The following AMOTL2 variants were observed in gnomAD, a reference collection of about 807,000 sequenced individuals.
The protein encoded by AMOTL2 is angiomotin-like protein 2.
A neutral mutation model predicts 78.4 loss-of-function variants in AMOTL2; 33 were observed. The observed-to-expected ratio is 0.42, with a 90% CI of 0.32 to 0.56. The LOEUF (loss-of-function observed/expected upper bound fraction) is 0.56, where lower values mean the gene tolerates loss of function less well. Among genes scored for constraint, AMOTL2 ranks in the 20% least tolerant of loss-of-function variants. The probability of loss-of-function intolerance (pLI) is 0.12; values close to 1 mark genes in which losing one functional copy is unlikely to be tolerated. For missense variants in AMOTL2, 983 were observed against 1,030.1 expected (o/e 0.95, Z 0.63); for synonymous variants, 422 against 428.8 (o/e 0.98, Z 0.20).
In AMOTL2 at chr3:134,370,717, G is replaced by T. The variant is rs1324158780; in HGVS notation, c.717C>A (p.Phe239Leu). The change falls in exon 2 of 10, where the codon TTC becomes TTA. Residue 239 changes from phenylalanine to leucine, a missense_variant. Coordinates refer to ENST00000249883, the MANE Select transcript of AMOTL2 (RefSeq NM_016201.4). ...PRYRARGSPHFQHAEVRILQA... is the reference protein window; with the variant it reads ...PRYRARGSPHLQHAEVRILQA... Reference sequence around the variant, plus strand: ...AGAGTTACCTGACTTCAGCATGCTGGAAGTGCGGGCTGCCGCGGGCACGGT... The same window carrying T: ...AGAGTTACCTGACTTCAGCATGCTGTAAGTGCGGGCTGCCGCGGGCACGGT... 1 of 1,510,662 alleles carries T rather than the reference G, an allele frequency of 6.6e-7. No individual in the cohort carries two copies. Among genetic ancestry groups the T allele is most frequent in the Non-Finnish European group, 8.9e-7 (1 of 1,129,774 alleles). The allele number at this position is 1,510,662 out of a possible 1,614,324, so 93.6% of individuals were successfully genotyped here.
At chr3:134,360,721 A>C (rs2017318428) in intron 6 of AMOTL2, among the ~76,000 whole-genome samples, 1 of 152,244 alleles carries the variant, frequency 6.6e-6, no homozygotes. Context: ...CAGGGGGTTC[A>C]GTCACACTAC....
In AMOTL2 at chr3:134,371,357, G is replaced by T; in HGVS notation, c.77C>A (p.Thr26Asn). Residue 26 changes from threonine to asparagine, a missense_variant, in exon 2 of 10, where the codon ACT (threonine) becomes AAT (asparagine). Transcript: ENST00000249883. ...GATGGCTAGCAGCGTGCGCGTCTCA[G>T]TCAGGTTGCCGTAGCGCAGCTGCTC... Reference protein sequence around the residue: ...IQEQLRYGNLTETRTLLAIQQ... With the variant: ...IQEQLRYGNLNETRTLLAIQQ... 6.2e-7 allele frequency: 1 copy of T among 1,610,752 alleles called. No homozygotes were observed.
chr3:134,365,951 C>A, intron 4 of AMOTL2, 42 bp from the exon 5 acceptor site: 1 of 1,594,924 alleles, frequency 6.3e-7, no homozygotes. Context: ...TCAGGTGAAG[C>A]TGCCAGCTTG....
chr3:134,374,170 C>G, intron 1 of AMOTL2, 172 bp downstream of exon 1: 2 of 913,356 alleles, frequency 2.2e-6, no homozygotes, highest in South Asian at 1.0e-4. Flanking sequence ...GGCAGAGCGG[C>G]CCTTGCCAGG....
In AMOTL2 at chr3:134,358,240, C is replaced by G. The variant is rs532758320; in HGVS notation, c.2284+300G>C. Among the ~76,000 whole-genome samples the G allele has an allele frequency of 1.6e-4, 24 of 152,344 alleles. No homozygotes were observed. In the South Asian group the frequency reaches 4.6e-3, roughly 29 times the overall value. Reference sequence around the variant, plus strand: ...CTTGGATAATCAAATTGGAAATTAACTATGTAGGGAAGACCATGAAAGAGG... The same window carrying G: ...CTTGGATAATCAAATTGGAAATTAAGTATGTAGGGAAGACCATGAAAGAGG... On this transcript the variant is annotated intron_variant, in intron 9 of 9. Transcript: ENST00000249883.
Position 134,374,325 on chromosome 3 carries a change from C to T in AMOTL2, c.-62+17G>A, listed in dbSNP as rs1326107072. 3.0e-6 allele frequency: 3 copies of T among 985,304 alleles called. No individual in the cohort carries two copies. Among genetic ancestry groups the T allele is most frequent in the African/African-American group, 3.5e-5 (2 of 57,248 alleles). 61.0% of individuals were successfully genotyped at this position (985,304 alleles called of 1,614,324 possible). A position where few individuals can be genotyped will look rare whatever the true frequency, so the allele number is the denominator to read the frequency against. On this transcript the variant is annotated intron_variant, in intron 1 of 9. Coordinates refer to ENST00000249883, the MANE Select transcript of AMOTL2 (RefSeq NM_016201.4). The stretch of plus-strand genomic sequence containing the variant: ...TGGCCTCGCGCGCTCTCCCGAGCGC[C>T]GAGCGGCCTTCCTTACCGCTGCGGC...
intron 7 of AMOTL2, 88 bp downstream of exon 7, chr3:134,360,018 C>A: frequency 7.2e-7 from 1 of 1,390,268 alleles, no homozygotes. Context: ...GGGAAAGGGG[C>A]CTGTTTATCA....
At chr3:134,357,940 C>T (rs2017145243) in intron 9 of AMOTL2, among the ~76,000 whole-genome samples, 177 bp from the exon 10 acceptor site, 1 of 152,252 alleles carries the variant, frequency 6.6e-6, no homozygotes, top group Non-Finnish European at 1.5e-5. Context: ...AGTGCTCAGC[C>T]CAGCCCACCA....
upstream of AMOTL2, chr3:134,375,192 C>G: frequency 6.5e-7 from 1 of 1,535,662 alleles, no homozygotes; most frequent in Non-Finnish European, 8.7e-7. Flanking sequence ...ACCTACCCAA[C>G]TGAATCACCC....
In AMOTL2 at chr3:134,355,597, C is replaced by T. The variant is rs999413665; in HGVS notation, c.*2108G>A. Among the ~76,000 whole-genome samples, 1 of 152,166 alleles carries T rather than the reference C, an allele frequency of 6.6e-6. No homozygotes were observed. The highest frequency in any genetic ancestry group is 1.5e-5 in the Non-Finnish European group (1 of 68,042). ...CCACTCCCACTGTGGATAACCACAG[C>T]GTGTGGCCGAACAAAGCTGATTAGA... On this transcript the variant is annotated 3_prime_UTR_variant, in exon 10 of 10. Transcript: ENST00000249883.
In AMOTL2 at chr3:134,359,435, C is replaced by A; in HGVS notation, c.1952G>T (p.Arg651Met). Residue 651 changes from arginine (R) to methionine (M), a missense_variant, in exon 8 of 10, where the codon AGG becomes ATG. Arg to Met is a moderately conservative substitution (Grantham distance 91). Transcript: ENST00000249883. Reference protein sequence around the residue: ...AVIKVLQQRSRRDPGKAIQGS... With the variant: ...AVIKVLQQRSMRDPGKAIQGS... ...CTGGATGGCCTTGCCAGGGTCTCTC[C>A]TGGAGCGCTGCTGAAGGACCTTGAT... The A allele has an allele frequency of 6.2e-7, 1 of 1,614,194 alleles. No individual in the cohort carries two copies. The highest frequency in any genetic ancestry group is 8.5e-7 in the Non-Finnish European group (1 of 1,180,030).
intron 2 of AMOTL2, 78 bp from the exon 3 acceptor site, chr3:134,367,881 A>G: frequency 8.1e-7 from 1 of 1,230,656 alleles, no homozygotes; most frequent in Admixed American, 2.4e-5. Context: ...GGGTCACCCC[A>G]CTCCTAGGCA....
At chr3:134,361,944 A>G (rs893282811) in intron 5 of AMOTL2, 137 bp from the exon 6 acceptor site, 2 of 789,246 alleles carry the variant, frequency 2.5e-6, no homozygotes, top group Non-Finnish European at 3.9e-6. Context: ...AGGTACCACT[A>G]TTAACCCTGT....
rs191988589 is a variant in AMOTL2, at chr3:134,357,674, A to C, written c.*31T>G. On this transcript the variant is annotated 3_prime_UTR_variant, in exon 10 of 10. Transcript: ENST00000249883. Reference sequence around the variant, plus strand: ...TGGCACAGGGCAGAGGAGGGGAGAGAATGGCTCAGAGTCCTGAAGCACCAC... The same window carrying C: ...TGGCACAGGGCAGAGGAGGGGAGAGCATGGCTCAGAGTCCTGAAGCACCAC... 3 of 1,611,728 alleles carry C rather than the reference A, an allele frequency of 1.9e-6. No individual in the cohort carries two copies. The African/African-American group carries it at 4.0e-5, about 22-fold the overall frequency.
intron 9 of AMOTL2, 145 bp downstream of exon 9, chr3:134,358,395 G>A: frequency 1.0e-6 from 1 of 994,852 alleles, no homozygotes; most frequent in South Asian, 1.9e-5. Flanking sequence ...CAGGCACCCT[G>A]CTCACCTCTG....
chr3:134,365,147 C>T (rs548869598), intron 5 of AMOTL2, among the ~76,000 whole-genome samples: 1 of 152,266 alleles, frequency 6.6e-6, no homozygotes, highest in South Asian at 2.1e-4. Context: ...TCACCACTTC[C>T]TTCCTGACCT....
chr3:134,360,089 G>T lies in AMOTL2; in HGVS notation c.1883+17C>A. 1 of 1,597,374 alleles carries T rather than the reference G, an allele frequency of 6.3e-7. No individual in the cohort carries two copies. The highest frequency in any genetic ancestry group is 8.6e-7 in the Non-Finnish European group (1 of 1,167,930). On this transcript the variant is annotated intron_variant, in intron 7 of 9. Transcript: ENST00000249883. ...CCCACCCCCCCAACCTCAGGTGCCT[G>T]GCCTGCAATGCCGAACCTGCTTTCC...
Position 134,357,426 on chromosome 3 carries a change from G to A in AMOTL2, c.*279C>T, listed in dbSNP as rs1036177524. The A allele has an allele frequency of 4.6e-6, 2 of 433,012 alleles. No homozygotes were observed. Among genetic ancestry groups the A allele is most frequent in the African/African-American group, 3.9e-5 (2 of 51,022 alleles). 26.8% of individuals were successfully genotyped at this position (433,012 alleles called of 1,614,324 possible). Reference sequence around the variant, plus strand: ...GCTGTCAGTTGCTACCCCAGTAGCAGGCCTTGGGCAAGAAGTCAAGGCTGA... The same window carrying A: ...GCTGTCAGTTGCTACCCCAGTAGCAAGCCTTGGGCAAGAAGTCAAGGCTGA... On this transcript the variant is annotated 3_prime_UTR_variant, in exon 10 of 10. Transcript: ENST00000249883.
intron 8 of AMOTL2, among the ~76,000 whole-genome samples, chr3:134,358,935 T>C (rs941227519): frequency 1.3e-5 from 2 of 152,252 alleles, no homozygotes; most frequent in African/African-American, 2.4e-5. Context: ...CCCTTCCTTA[T>C]AGATTAAATC....
Sources: gnomAD v4.1 joint callset for allele counts (sites outside exome capture counted in the v4.1 genomes callset) on GRCh38, gnomAD v4.1.1 for gene constraint, MANE v1.5 for transcripts, NCBI Gene and HGNC (gene_info 2026-07-23, HGNC 2026-07-21) for gene names.